The following FER variants were observed in gnomAD, a reference collection of about 807,000 sequenced individuals.
FER encodes FER tyrosine kinase, also known as tyrosine-protein kinase Fer.
A neutral mutation model predicts 111.0 loss-of-function variants in FER; 63 were observed. The observed-to-expected ratio is 0.57, with a 90% CI of 0.46 to 0.70. The LOEUF (loss-of-function observed/expected upper bound fraction) is 0.70. FER is among the 30% of genes least tolerant of loss of function. The probability of loss-of-function intolerance (pLI) is 0.00; values close to 1 mark genes in which losing one functional copy is unlikely to be tolerated. For missense variants in FER, 914 were observed against 954.0 expected (o/e 0.96, Z 0.55); for synonymous variants, 327 against 313.9 (o/e 1.04, Z -0.44).
At chr5:109,069,851 G>C (rs539315513) in intron 16 of FER, among the ~76,000 whole-genome samples, 7 of 152,202 alleles carry the variant, frequency 4.6e-5, no homozygotes, top group African/African-American at 1.7e-4. Flanking sequence ...TGTAATGGAT[G>C]ATGAGTAAAA....
In FER at chr5:108,908,503, C is replaced by T. The variant is rs576353538; in HGVS notation, c.1236+10655C>T. On this transcript the variant is annotated intron_variant, in intron 10 of 19. Coordinates refer to ENST00000281092, the MANE Select transcript of FER (RefSeq NM_005246.4). The stretch of plus-strand genomic sequence containing the variant: ...ATAACATGTTCAAGTCATTTTGTTA[C>T]GATTTTTAAAAATAATTTCATTTTC... Among the ~76,000 whole-genome samples, 13 of 152,126 alleles carry T rather than the reference C, an allele frequency of 8.5e-5. No homozygotes were observed. In the South Asian group the frequency reaches 1.9e-3, roughly 22 times the overall value.
intron 4 of FER, among the ~76,000 whole-genome samples, chr5:108,833,602 C>T (rs373784766): frequency 4.0e-5 from 6 of 151,802 alleles, no homozygotes; most frequent in East Asian, 3.9e-4. Context: ...AGGCCAGATG[C>T]GGTACCTCAC....
intron 3 of FER, among the ~76,000 whole-genome samples, chr5:108,822,490 G>T (rs1024308762): frequency 3.3e-4 from 50 of 152,242 alleles, no homozygotes; most frequent in Admixed American, 2.9e-3. Context: ...AAGGGAAGTG[G>T]ACATATGCAA....
chr5:108,826,510 C>T (rs149256108), intron 3 of FER, among the ~76,000 whole-genome samples: 1,767 of 152,322 alleles, frequency 0.012, 21 homozygotes, highest in African/African-American at 0.025. Flanking sequence ...GCCTCAACCT[C>T]CCAAAGTGCT....
intron 17 of FER, among the ~76,000 whole-genome samples, chr5:109,116,014 A>C (rs1750183555): frequency 6.6e-6 from 1 of 152,048 alleles, no homozygotes; most frequent in South Asian, 2.1e-4. Context: ...AGAATATATA[A>C]TAACATGAAA....
At chr5:108,908,177 G>C (rs1751048762) in intron 10 of FER, among the ~76,000 whole-genome samples, 2 of 152,088 alleles carry the variant, frequency 1.3e-5, no homozygotes, top group African/African-American at 4.8e-5. Context: ...TGATGATGTA[G>C]CTTAATGCGG....
At chr5:109,107,352 CAG>C (rs1749061932) in intron 17 of FER, among the ~76,000 whole-genome samples, 1 of 152,038 alleles carries the variant, frequency 6.6e-6, no homozygotes, top group South Asian at 2.1e-4. Flanking sequence ...ATTTTAGGCT[CAG>C]GGGGTACATG....
Position 108,845,214 on chromosome 5 carries a change from C to T in FER, c.481+9407C>T, listed in dbSNP as rs146323733. The stretch of plus-strand genomic sequence containing the variant: ...TTACATGGTGTCTTGCTCTGTCGCC[C>T]AGGCTGGAGTACAGTGGCACCATCT... On this transcript the variant is annotated intron_variant, in intron 5 of 19. Coordinates refer to ENST00000281092, the MANE Select transcript of FER (RefSeq NM_005246.4). Among the ~76,000 whole-genome samples, 734 of 150,848 alleles carry T rather than the reference C, an allele frequency of 4.9e-3. 6 individuals are homozygous for T. Among genetic ancestry groups the T allele is most frequent in the Middle Eastern group, 0.014 (4 of 292 alleles).
At chr5:108,810,928 C>A (rs1352659057) in intron 3 of FER, among the ~76,000 whole-genome samples, 1 of 151,824 alleles carries the variant, frequency 6.6e-6, no homozygotes, top group Non-Finnish European at 1.5e-5. Flanking sequence ...CTTTGAATGC[C>A]TGGAGACCTG....
chr5:109,127,719 A>G (rs1227567666), intron 17 of FER, among the ~76,000 whole-genome samples: 2 of 152,022 alleles, frequency 1.3e-5, no homozygotes, highest in African/African-American at 4.8e-5. Context: ...TTTTATTTTT[A>G]AAGATTAGAA....
chr5:108,948,965 A>G (rs1368125529), intron 11 of FER, among the ~76,000 whole-genome samples: 2 of 152,136 alleles, frequency 1.3e-5, no homozygotes, highest in African/African-American at 2.4e-5. Context: ...CTTAAAATTC[A>G]TATTTTCTAC....
intron 5 of FER, among the ~76,000 whole-genome samples, chr5:108,844,160 A>G (rs537963422): frequency 6.8e-6 from 1 of 146,822 alleles, no homozygotes; most frequent in Non-Finnish European, 1.5e-5. Context: ...GTGAACATAT[A>G]TATGTGTGAA....
intron 13 of FER, among the ~76,000 whole-genome samples, chr5:108,994,972 C>A (rs1036196315): frequency 6.6e-6 from 1 of 152,134 alleles, no homozygotes; most frequent in Non-Finnish European, 1.5e-5. Context: ...TATCCTGAGA[C>A]TTTGCTGAGG....
At chr5:109,127,644 A>G (rs999718895) in intron 17 of FER, among the ~76,000 whole-genome samples, 45 of 152,158 alleles carry the variant, frequency 3.0e-4, no homozygotes, top group African/African-American at 1.1e-3. Context: ...TGAGCTCATG[A>G]TCCACCGGCC....
chr5:108,967,122 G>A (rs879811619), intron 13 of FER, among the ~76,000 whole-genome samples: 10 of 152,224 alleles, frequency 6.6e-5, no homozygotes, highest in Admixed American at 2.0e-4. Context: ...TGGCCTGCCC[G>A]GGCCAACCCT....
chr5:109,079,316 A>T (rs1379237801), intron 16 of FER, among the ~76,000 whole-genome samples: 1 of 152,014 alleles, frequency 6.6e-6, no homozygotes, highest in African/African-American at 2.4e-5. Context: ...AACTTTCACA[A>T]GGGACGATGT....
chr5:108,926,877 T>G (rs1248714306), intron 10 of FER, among the ~76,000 whole-genome samples: 1 of 152,162 alleles, frequency 6.6e-6, no homozygotes. Context: ...TTCAGTGAAT[T>G]CTTACCACCA....
chr5:108,998,475 G>T (rs997189643), intron 13 of FER, among the ~76,000 whole-genome samples: 1 of 152,096 alleles, frequency 6.6e-6, no homozygotes, highest in African/African-American at 2.4e-5. Context: ...TCCATTGGCC[G>T]CACCCACTGT....
At chr5:108,892,308 C>T in intron 9 of FER, among the ~76,000 whole-genome samples, 1 of 152,168 alleles carries the variant, frequency 6.6e-6, no homozygotes, top group African/African-American at 2.4e-5. Context: ...CCTGTTTCTC[C>T]ACATCCTCTC....
Sources: allele counts gnomAD v4.1 joint callset (sites outside exome capture counted in the v4.1 genomes callset), GRCh38; gene constraint gnomAD v4.1.1; transcripts MANE v1.5; gene names NCBI Gene and HGNC (gene_info 2026-07-23, HGNC 2026-07-21).